Variants in TEX14 observed in about 807,000 individuals in gnomAD.
TEX14 encodes inactive serine/threonine-protein kinase TEX14.
Under a neutral mutation model 178.6 loss-of-function variants are expected in TEX14, and 168 were observed. That is an observed-to-expected ratio of 0.94 (90% CI 0.83 to 1.07). The LOEUF (loss-of-function observed/expected upper bound fraction) is 1.07. TEX14 is among the 50% of genes least tolerant of loss of function. The pLI is 0.00. For missense variants in TEX14, 1,730 were observed against 1,753.6 expected (o/e 0.99, Z 0.24); for synonymous variants, 626 against 634.1 (o/e 0.99, Z 0.19).
At chr17:58,575,920 C>T (rs2044663807) in intron 21 of TEX14, among the ~76,000 whole-genome samples, 1 of 152,186 alleles carries the variant, frequency 6.6e-6, no homozygotes, top group African/African-American at 2.4e-5. Context: ...AATATTTAAA[C>T]TCTCTGAACT....
rs932960689 is a variant in TEX14, at chr17:58,612,153, G to C, written c.1006-814C>G. Among the ~76,000 whole-genome samples the C allele has an allele frequency of 2.6e-5, 4 of 152,296 alleles. No homozygotes were observed. The East Asian group carries it at 7.7e-4, about 29-fold the overall frequency. ...CAAGGAAATTTGAGAGGTGAGAGGG[G>C]AGTGATACAGGCCTCTATAGAAAAA... On this transcript the variant is annotated intron_variant, in intron 9 of 31. Transcript: ENST00000349033.
At chr17:58,605,274 C>T (rs1419375692) in intron 10 of TEX14, 145 bp from the exon 11 acceptor site, 13 of 883,186 alleles carry the variant, frequency 1.5e-5, no homozygotes, top group Non-Finnish European at 2.2e-5. Context: ...TCACTGCAAC[C>T]TCTGCCACCT....
At chr17:58,565,049 TA>T in intron 27 of TEX14, 81 bp from the exon 28 acceptor site, 1 of 849,842 alleles carries the variant, frequency 1.2e-6, no homozygotes, top group Admixed American at 2.5e-5. Context: ...GTGCAAAAAT[TA>T]AGGCCAATCA....
chr17:58,622,823 C>T, intron 4 of TEX14, 24 bp downstream of exon 4: 1 of 1,589,048 alleles, frequency 6.3e-7, no homozygotes, highest in Non-Finnish European at 8.6e-7. Context: ...GTGGGCATGG[C>T]TACAGAGTGG....
Position 58,572,069 on chromosome 17 carries a change from T to C in TEX14, c.3569A>G (p.Gln1190Arg). The C allele has an allele frequency of 6.2e-7, 1 of 1,614,168 alleles. No individual in the cohort carries two copies. Among genetic ancestry groups the C allele is most frequent in the Non-Finnish European group, 8.5e-7 (1 of 1,180,024 alleles). Residue 1190 changes from glutamine (Q) to arginine (R), a missense_variant, in exon 24 of 32, where the codon CAG becomes CGG. Physicochemically the swap from Gln to Arg is conservative, Grantham distance 43. Around this residue, in one of 2 missense-constraint regions of TEX14, gnomAD observed 941 missense variants for 1,072.4 expected, o/e 0.88. Transcript: ENST00000349033. Reference sequence around the variant, plus strand: ...GCAAGAGGCAAACTCTGTCTTAACCTGAAATGTGATACTTTCAAGGCAGTC... The same window carrying C: ...GCAAGAGGCAAACTCTGTCTTAACCCGAAATGTGATACTTTCAAGGCAGTC... ...YKDCLESITF[Q>R]VKTEFASCWN...
chr17:58,667,142 T>C (rs2047227602), intron 1 of TEX14, among the ~76,000 whole-genome samples: 1 of 152,194 alleles, frequency 6.6e-6, no homozygotes, highest in Non-Finnish European at 1.5e-5. Flanking sequence ...GAATGAACTT[T>C]TAGTCACGGG....
At chr17:58,608,366 G>A (rs1407278385) in intron 10 of TEX14, among the ~76,000 whole-genome samples, 6 of 151,174 alleles carry the variant, frequency 4.0e-5, no homozygotes, top group Admixed American at 4.0e-4. Context: ...GTAGTGAGCC[G>A]AGATCGTGCC....
rs886421283 is a variant in TEX14, at chr17:58,667,920, C to T, written c.-1-15918G>A. ...AAAAAAAAAAAAAAAAGATTCTTTT[C>T]TTGTTTGCTTGGCCAAACCTTATTC... On this transcript the variant is annotated intron_variant, in intron 1 of 31. Coordinates refer to ENST00000349033, the MANE Select transcript of TEX14 (RefSeq NM_031272.5). 1.4e-3 allele frequency among the ~76,000 whole-genome samples: 215 copies of T among 149,228 alleles called. 1 individual carries two copies. In the Middle Eastern group the frequency reaches 0.021, roughly 14 times the overall value.
At chr17:58,626,812 A>G (rs753610795) in intron 3 of TEX14, among the ~76,000 whole-genome samples, 20 of 152,166 alleles carry the variant, frequency 1.3e-4, no homozygotes, top group Non-Finnish European at 2.2e-4. Context: ...CAGAGGTTGC[A>G]GTGAGCCAAG....
At chr17:58,598,832 T>G (rs1166591124) in intron 14 of TEX14, 44 bp downstream of exon 14, 1 of 1,509,142 alleles carries the variant, frequency 6.6e-7, no homozygotes, top group Non-Finnish European at 9.0e-7. Context: ...ACCATTTCTT[T>G]TCCTGGATCT....
intron 3 of TEX14, among the ~76,000 whole-genome samples, chr17:58,629,607 G>A (rs2046232681): frequency 6.6e-6 from 1 of 151,862 alleles, no homozygotes; most frequent in Admixed American, 6.6e-5. Flanking sequence ...GGCAGATCAC[G>A]AGGTCAGGAG....
In TEX14 at chr17:58,684,630, C is replaced by CAAATAAATAAAT. The variant is rs3031764; in HGVS notation, c.-2+7297_-2+7308dup. Among the ~76,000 whole-genome samples, 8 of 140,442 alleles carry CAAATAAATAAAT rather than the reference C, an allele frequency of 5.7e-5. No homozygotes were observed. In the East Asian group the frequency reaches 6.3e-4, roughly 11 times the overall value. The allele number at this position is 140,442 out of a possible 152,430, so 92.1% of individuals were successfully genotyped here. On this transcript the variant is annotated intron_variant, in intron 1 of 31. Transcript: ENST00000349033. ...CCTGGGCGACAGTGAGACCCTGTCT[C>CAAATAAATAAAT]AAATAAATAAATAAATAAATAAATA... is the stretch of plus-strand genomic sequence containing the variant.
At chr17:58,654,094 C>T (rs1051533845) in intron 1 of TEX14, among the ~76,000 whole-genome samples, 5 of 152,088 alleles carry the variant, frequency 3.3e-5, no homozygotes, top group African/African-American at 7.2e-5. Context: ...GGGAGAATGG[C>T]GTGAACCCGG....
chr17:58,599,110 A>G lies in TEX14; in HGVS notation c.2235T>C (p.Asp745=). The G allele has an allele frequency of 6.2e-7, 1 of 1,614,134 alleles. No homozygotes were observed. Among genetic ancestry groups the G allele is most frequent in the Non-Finnish European group, 8.5e-7 (1 of 1,180,006 alleles). Residue 745 remains aspartate (D), a synonymous_variant, in exon 14 of 32, where the codon GAT becomes GAC. Coordinates refer to ENST00000349033, the MANE Select transcript of TEX14 (RefSeq NM_031272.5). ...TCTGCTCGATATTCCTCAGCCTATC[A>G]TCATTCTCGTGCATTATTGTCTGCA... ...KIMQTIMHEN[D]DRLRNIEQIL...
chr17:58,652,763 T>C (rs545677709), intron 1 of TEX14, among the ~76,000 whole-genome samples: 1 of 152,306 alleles, frequency 6.6e-6, no homozygotes, highest in Non-Finnish European at 1.5e-5. Context: ...ACAAATGCAG[T>C]CATTATGTAA....
chr17:58,581,094 C>T (rs1049394392), intron 19 of TEX14, among the ~76,000 whole-genome samples: 3 of 152,176 alleles, frequency 2.0e-5, no homozygotes, highest in South Asian at 2.1e-4. Flanking sequence ...GGGCGGATCA[C>T]GAGTTCAGGA....
chr17:58,661,590 C>T (rs755408550), intron 1 of TEX14: 1 of 724,508 alleles, frequency 1.4e-6, no homozygotes, highest in Admixed American at 2.1e-5. Context: ...TCGTCTTCAG[C>T]AGCTGCCATC....
At chr17:58,621,942 T>A (rs1169001629) in intron 4 of TEX14, among the ~76,000 whole-genome samples, 156 bp from the exon 5 acceptor site, 1 of 152,210 alleles carries the variant, frequency 6.6e-6, no homozygotes, top group Non-Finnish European at 1.5e-5. Context: ...AGGTATGGAA[T>A]GTTTTCAGGG....
chr17:58,659,184 A>C, intron 1 of TEX14: 1 of 199,148 alleles, frequency 5.0e-6, no homozygotes, highest in Non-Finnish European at 9.0e-6. Flanking sequence ...CCACTACCAC[A>C]AGTTATGCAG....
Sources: gnomAD v4.1 joint callset for allele counts (sites outside exome capture counted in the v4.1 genomes callset) on GRCh38, gnomAD v4.1.1 for gene constraint, gnomAD v4.1.1 regional missense constraint, MANE v1.5 for transcripts, NCBI Gene and HGNC (gene_info 2026-07-23, HGNC 2026-07-21) for gene names.